The following TMEM135 variants were observed in gnomAD, a reference collection of about 807,000 sequenced individuals.
The protein encoded by TMEM135 is peroxisomal membrane protein 52.
Under a neutral mutation model 60.3 loss-of-function variants are expected in TMEM135, and 30 were observed. The ratio of observed to expected loss-of-function variants is 0.50; its 90% CI spans 0.37 to 0.68. TMEM135 has a LOEUF of 0.68. TMEM135 is among the 30% of genes least tolerant of loss of function. The pLI is 0.00. For missense variants in TMEM135, 468 were observed against 548.8 expected, an observed-to-expected ratio of 0.85 and a Z score of 1.47; for synonymous variants, 190 against 186.7, an observed-to-expected ratio of 1.02 and a Z score of -0.14.
chr11:87,103,799 C>T (rs1441672831), intron 4 of TMEM135, among the ~76,000 whole-genome samples: 2 of 151,950 alleles, frequency 1.3e-5, no homozygotes, highest in African/African-American at 2.4e-5. Flanking sequence ...GGGACTACAG[C>T]GCATGTCACT....
chr11:87,299,697 G>A (rs932622757), intron 7 of TMEM135, among the ~76,000 whole-genome samples: 1 of 152,176 alleles, frequency 6.6e-6, no homozygotes, highest in Non-Finnish European at 1.5e-5. Flanking sequence ...TGGTCTAGTG[G>A]GGAAGACAGC....
At chr11:87,318,601 T>A (rs1037532919) in intron 13 of TMEM135, among the ~76,000 whole-genome samples, 1 of 152,034 alleles carries the variant, frequency 6.6e-6, no homozygotes, top group South Asian at 2.1e-4. Flanking sequence ...ATATAAATAA[T>A]TGCATTTCTC....
rs146841519 is a variant in TMEM135, at chr11:87,129,971, A to G, written c.397-27370A>G. 7.2e-5 allele frequency among the ~76,000 whole-genome samples: 11 copies of G among 152,338 alleles called. No homozygotes were observed. The East Asian group carries it at 2.1e-3, about 29-fold the overall frequency. ...TTTCATAATTCTCCAGACATCTAGA[A>G]TAAAGAATATGGGAATGCAGAGTGT... is the stretch of plus-strand genomic sequence containing the variant. On this transcript the variant is annotated intron_variant, in intron 4 of 14. Coordinates refer to ENST00000305494, the MANE Select transcript of TMEM135 (RefSeq NM_022918.4).
intron 6 of TMEM135, among the ~76,000 whole-genome samples, chr11:87,272,203 G>A (rs1366310738): frequency 1.3e-5 from 2 of 151,032 alleles, no homozygotes; most frequent in East Asian, 2.0e-4. Context: ...ACAGGCACCC[G>A]CCACCACACC....
intron 1 of TMEM135, among the ~76,000 whole-genome samples, chr11:87,066,702 C>T (rs925220411): frequency 6.6e-6 from 1 of 151,048 alleles, no homozygotes; most frequent in African/African-American, 2.4e-5. Flanking sequence ...TAAACTTCTG[C>T]AGTCTTTTGT....
chr11:87,091,038 A>G (rs1186021260), intron 3 of TMEM135, among the ~76,000 whole-genome samples: 2 of 152,184 alleles, frequency 1.3e-5, no homozygotes, highest in East Asian at 3.9e-4. Flanking sequence ...AGATTTCTCT[A>G]GCATAAACAT....
At chr11:87,160,402 A>G (rs1938840108) in intron 5 of TMEM135, among the ~76,000 whole-genome samples, 1 of 152,160 alleles carries the variant, frequency 6.6e-6, no homozygotes, top group African/African-American at 2.4e-5. Flanking sequence ...CCTCCTTTTA[A>G]CTCTCCAAGG....
chr11:87,194,965 C>G (rs1236289472), intron 5 of TMEM135, among the ~76,000 whole-genome samples: 1 of 152,072 alleles, frequency 6.6e-6, no homozygotes, highest in Non-Finnish European at 1.5e-5. Context: ...TTGTTTCTAA[C>G]TTTTTAAATT....
chr11:87,179,507 GT>G (rs1472625203), intron 5 of TMEM135, among the ~76,000 whole-genome samples: 1 of 151,940 alleles, frequency 6.6e-6, no homozygotes, highest in African/African-American at 2.4e-5. Flanking sequence ...TCTGTGATCT[GT>G]TTTGAGTTTA....
intron 3 of TMEM135, among the ~76,000 whole-genome samples, chr11:87,073,442 A>G (rs1856809858): frequency 6.6e-6 from 1 of 152,180 alleles, no homozygotes; most frequent in African/African-American, 2.4e-5. Context: ...GGATTATTAG[A>G]ATGACTAAAA....
chr11:87,227,185 A>G (rs1940784236), intron 5 of TMEM135, among the ~76,000 whole-genome samples: 1 of 152,090 alleles, frequency 6.6e-6, no homozygotes, highest in Non-Finnish European at 1.5e-5. Flanking sequence ...TGGTGTATAC[A>G]TAAATTCTGA....
rs901588963 is a variant in TMEM135, at chr11:87,302,431, T to C, written c.687T>C (p.Phe229=). 1 of 1,613,876 alleles carries C rather than the reference T, an allele frequency of 6.2e-7. No homozygotes were observed. Among genetic ancestry groups the C allele is most frequent in the Non-Finnish European group, 8.5e-7 (1 of 1,179,892 alleles). ...RMNMIGLVRK[F]VDSICKHGPR... is the part of the protein sequence containing the mutation. ...ATATGATTGGTCTAGTCAGGAAATTTGTGGATTCAATGTGAGCTCTTTATC... is the reference window on the plus strand; with the variant it reads ...ATATGATTGGTCTAGTCAGGAAATTCGTGGATTCAATGTGAGCTCTTTATC... Residue 229 remains phenylalanine (F), a synonymous_variant, in exon 8 of 15, where the codon TTT becomes TTC. Coordinates refer to ENST00000305494, the MANE Select transcript of TMEM135 (RefSeq NM_022918.4).
At chr11:87,265,390 C>G (rs912414697) in intron 6 of TMEM135, among the ~76,000 whole-genome samples, 4 of 151,970 alleles carry the variant, frequency 2.6e-5, no homozygotes, top group Non-Finnish European at 4.4e-5. Flanking sequence ...TCTTTTCATT[C>G]TGAAAGAGAA....
At position 87,284,617 on chromosome 11, in the gene TMEM135, G is replaced by T. The variant is rs1369099837; in HGVS notation, c.510-11165G>T. On this transcript the variant is annotated intron_variant, in intron 6 of 14. Transcript: ENST00000305494. ...CTCTTGAAGACAAAGCCAAGTATCAGTGTTCCATTCTGTATGAAATAAATG... is the reference window on the plus strand; with the variant it reads ...CTCTTGAAGACAAAGCCAAGTATCATTGTTCCATTCTGTATGAAATAAATG... Among the ~76,000 whole-genome samples, 5 of 152,276 alleles carry T rather than the reference G, an allele frequency of 3.3e-5. No homozygotes were observed. In the South Asian group the frequency reaches 1.0e-3, roughly 32 times the overall value.
At chr11:87,054,971 A>G (rs1403056701) in intron 1 of TMEM135, among the ~76,000 whole-genome samples, 1 of 152,200 alleles carries the variant, frequency 6.6e-6, no homozygotes, top group Non-Finnish European at 1.5e-5. Context: ...TCATTAATCA[A>G]ATATTACATG....
intron 5 of TMEM135, among the ~76,000 whole-genome samples, chr11:87,165,609 G>A (rs1381565978): frequency 6.6e-6 from 1 of 150,628 alleles, no homozygotes; most frequent in Non-Finnish European, 1.5e-5. Context: ...AGTTTCAGAA[G>A]GAATGGTACC....
intron 5 of TMEM135, among the ~76,000 whole-genome samples, chr11:87,213,513 G>A (rs187588240): frequency 6.6e-6 from 1 of 152,312 alleles, no homozygotes; most frequent in East Asian, 1.9e-4. Flanking sequence ...CTTACACTCA[G>A]AGATCATCTG....
chr11:87,222,427 G>T (rs1379042294), intron 5 of TMEM135, among the ~76,000 whole-genome samples: 2 of 150,600 alleles, frequency 1.3e-5, no homozygotes, highest in East Asian at 2.0e-4. Context: ...GAACCCTGGG[G>T]GGCTGAGCTT....
At chr11:87,223,697 A>ACACACACACACAC (rs1565492140) in intron 5 of TMEM135, among the ~76,000 whole-genome samples, 1 of 150,202 alleles carries the variant, frequency 6.7e-6, no homozygotes, top group African/African-American at 2.5e-5. Context: ...ACACACACAC[A>ACACACACACACAC]AAATTAGCTG....
Sources: gnomAD v4.1 joint callset for allele counts (sites outside exome capture counted in the v4.1 genomes callset) on GRCh38, gnomAD v4.1.1 for gene constraint, MANE v1.5 for transcripts, NCBI Gene and HGNC (gene_info 2026-07-23, HGNC 2026-07-21) for gene names.